Variants in CCDC73 observed in about 807,000 individuals in gnomAD.
CCDC73 encodes coiled-coil domain-containing protein 73.
CCDC73 carries 95 observed loss-of-function variants against 116.5 expected under a neutral mutation model. The ratio of observed to expected loss-of-function variants is 0.82; its 90% CI spans 0.69 to 0.97. CCDC73 has a LOEUF of 0.97. Among genes scored for constraint, CCDC73 ranks in the 50% least tolerant of loss-of-function variants. The probability of loss-of-function intolerance (pLI) is 0.00; values close to 1 mark genes in which losing one functional copy is unlikely to be tolerated. For missense variants in CCDC73, 1,066 were observed against 1,206.8 expected, an observed-to-expected ratio of 0.88 and a Z score of 1.73; for synonymous variants, 398 against 401.3, an observed-to-expected ratio of 0.99 and a Z score of 0.10.
intron 1 of CCDC73, among the ~76,000 whole-genome samples, chr11:32,773,954 C>A (rs1850511387): frequency 6.6e-6 from 1 of 152,064 alleles, no homozygotes; most frequent in African/African-American, 2.4e-5. Flanking sequence ...TCTCCATTTT[C>A]TTGTCCTGAA....
the CCDC73 span, among the ~76,000 whole-genome samples, chr11:32,812,331 G>A: frequency 7.3e-4 from 111 of 152,242 alleles, 1 homozygote; most frequent in East Asian, 0.019. Flanking sequence ...ATCAGCCTGA[G>A]CAAAATGGTG....
At chr11:32,810,490 T>C in the CCDC73 span, among the ~76,000 whole-genome samples, 2 of 152,180 alleles carry the variant, frequency 1.3e-5, no homozygotes, top group Admixed American at 6.5e-5. Flanking sequence ...GCAAAACTAG[T>C]AAATTGGGTT....
At position 32,769,479 on chromosome 11, in the gene CCDC73, AG is replaced by A. The variant is rs1850473324; in HGVS notation, c.-15-9222del. Among the ~76,000 whole-genome samples, 3 of 152,326 alleles carry A rather than the reference AG, an allele frequency of 2.0e-5. No homozygotes were observed. In the South Asian group the frequency reaches 6.2e-4, roughly 32 times the overall value. The stretch of plus-strand genomic sequence containing the variant: ...TGGACTGGGTTCCAAGAGGAAGAGC[AG>A]AACATTCAAGGCTTTCTGAGACCCA... On this transcript the variant is annotated intron_variant, in intron 1 of 17. Coordinates refer to ENST00000335185, the MANE Select transcript of CCDC73 (RefSeq NM_001008391.4).
At chr11:32,736,629 A>T (rs1344955778) in intron 2 of CCDC73, among the ~76,000 whole-genome samples, 1 of 151,948 alleles carries the variant, frequency 6.6e-6, no homozygotes, top group Non-Finnish European at 1.5e-5. Context: ...TAGAACTAGA[A>T]ATACCATTTG....
chr11:32,755,872 T>A (rs1376616167), intron 2 of CCDC73, among the ~76,000 whole-genome samples: 1 of 123,790 alleles, frequency 8.1e-6, no homozygotes, highest in African/African-American at 3.0e-5. Context: ...TATCTCCATA[T>A]ATATATCTGT....
intron 1 of CCDC73, among the ~76,000 whole-genome samples, chr11:32,776,986 CATGT>C (rs1295511438): frequency 0.023 from 2,243 of 95,710 alleles, 52 homozygotes; most frequent in African/African-American, 0.081. Context: ...TATATATACA[CATGT>C]ATATATATAT....
chr11:32,722,764 A>G lies in CCDC73; in HGVS notation c.136-4617T>C, dbSNP rs1015032030. On this transcript the variant is annotated intron_variant, in intron 2 of 17. Coordinates refer to ENST00000335185, the MANE Select transcript of CCDC73 (RefSeq NM_001008391.4). ...TAACCACTTCTCTTTCAGTGGTTAG[A>G]GTGGGTTCTGAGGCCTTACCATGAT... Among the ~76,000 whole-genome samples the G allele has an allele frequency of 2.6e-5, 4 of 152,140 alleles. No individual in the cohort carries two copies. The East Asian group carries it at 7.7e-4, about 29-fold the overall frequency.
chr11:32,609,620 CTT>C (rs1855394870), intron 17 of CCDC73, among the ~76,000 whole-genome samples: 1 of 152,128 alleles, frequency 6.6e-6, no homozygotes, highest in African/African-American at 2.4e-5. Context: ...TTTCGGGTAT[CTT>C]TTCAGCAACA....
intron 6 of CCDC73, among the ~76,000 whole-genome samples, chr11:32,683,831 T>C (rs1856170164): frequency 6.6e-6 from 1 of 152,046 alleles, no homozygotes; most frequent in South Asian, 2.1e-4. Flanking sequence ...CTGACAAATA[T>C]AAGTAAAAGG....
At chr11:32,773,483 T>TTAAAAATTGAATGGGGCCA in intron 1 of CCDC73, among the ~76,000 whole-genome samples, 1 of 152,004 alleles carries the variant, frequency 6.6e-6, no homozygotes, top group Non-Finnish European at 1.5e-5. Flanking sequence ...GAATGATACA[T>TTAAAAATTGAATGGGGCCA]TAAAAATTGA....
At chr11:32,818,411 G>A in the CCDC73 span, among the ~76,000 whole-genome samples, 1 of 152,186 alleles carries the variant, frequency 6.6e-6, no homozygotes, top group Non-Finnish European at 1.5e-5. Flanking sequence ...CGGGTCTACT[G>A]CAGAAAGTTG....
intron 9 of CCDC73, among the ~76,000 whole-genome samples, chr11:32,665,562 G>C (rs894608951): frequency 1.3e-5 from 2 of 152,176 alleles, no homozygotes; most frequent in African/African-American, 2.4e-5. Context: ...CTCTGCACGT[G>C]AGATGGGTCT....
intron 2 of CCDC73, among the ~76,000 whole-genome samples, chr11:32,757,265 G>C (rs1850352472): frequency 6.6e-6 from 1 of 151,836 alleles, no homozygotes; most frequent in Non-Finnish European, 1.5e-5. Flanking sequence ...AAAAAAATTA[G>C]AACAGGGGCT....
chr11:32,774,111 T>G (rs1269090919), intron 1 of CCDC73, among the ~76,000 whole-genome samples: 2 of 152,186 alleles, frequency 1.3e-5, no homozygotes, highest in African/African-American at 2.4e-5. Context: ...TTCCCTTGCT[T>G]TATCTGGTGT....
intron 6 of CCDC73, among the ~76,000 whole-genome samples, chr11:32,696,972 G>A (rs1420370156): frequency 6.6e-6 from 1 of 150,700 alleles, no homozygotes; most frequent in Non-Finnish European, 1.5e-5. Context: ...TAAGACTACA[G>A]GTGCTCACCA....
chr11:32,691,101 A>G (rs1299730906), intron 6 of CCDC73, among the ~76,000 whole-genome samples: 1 of 150,676 alleles, frequency 6.6e-6, no homozygotes, highest in Non-Finnish European at 1.5e-5. Context: ...CTGGAGTGCA[A>G]TGGTGTGATC....
chr11:32,792,278 A>G lies in CCDC73; in HGVS notation c.-16+2335T>C, dbSNP rs116899528. On this transcript the variant is annotated intron_variant, in intron 1 of 17. Coordinates refer to ENST00000335185, the MANE Select transcript of CCDC73 (RefSeq NM_001008391.4). ...CTTGACCAGAATTTTTTTTTTAATG[A>G]AAGGCTAGACTAGTAAAAAATAAAA... Among the ~76,000 whole-genome samples the G allele has an allele frequency of 7.6e-4, 115 of 152,264 alleles. No individual in the cohort carries two copies. The Middle Eastern group carries it at 0.01, about 14-fold the overall frequency.
rs1850112698 is a variant in CCDC73 at position 32,734,706 on chromosome 11, G to A, written c.136-16559C>T. Among the ~76,000 whole-genome samples the A allele has an allele frequency of 2.0e-5, 3 of 151,836 alleles. No individual in the cohort carries two copies. The South Asian group carries it at 6.2e-4, about 32-fold the overall frequency. On this transcript the variant is annotated intron_variant, in intron 2 of 17. Coordinates refer to ENST00000335185, the MANE Select transcript of CCDC73 (RefSeq NM_001008391.4). ...CATCCTGATACCAAAGCCTGGCAGA[G>A]ACACAACAAAAAAAGAGAATTTTAG... is the stretch of plus-strand genomic sequence containing the variant.
At chr11:32,671,502 G>A (rs1475779831) in intron 9 of CCDC73, among the ~76,000 whole-genome samples, 1 of 152,030 alleles carries the variant, frequency 6.6e-6, no homozygotes, top group Non-Finnish European at 1.5e-5. Flanking sequence ...TTGTCTTTGG[G>A]AGAATTAGTG....
Sources: gnomAD v4.1 joint callset for allele counts (sites outside exome capture counted in the v4.1 genomes callset) on GRCh38, gnomAD v4.1.1 for gene constraint, MANE v1.5 for transcripts, NCBI Gene and HGNC (gene_info 2026-07-23, HGNC 2026-07-21) for gene names.